CTNNA3: variants seen among roughly 807,000 people sequenced by gnomAD.
CTNNA3 encodes the protein catenin alpha-3.
In CTNNA3, 76 loss-of-function variants were observed where a neutral mutation model predicts 95.7. The observed-to-expected ratio is 0.79, with a 90% CI of 0.66 to 0.96. The LOEUF (loss-of-function observed/expected upper bound fraction) is 0.96, where lower values mean the gene tolerates loss of function less well. Among genes scored for constraint, CTNNA3 ranks in the 40% least tolerant of loss-of-function variants. The pLI is 0.00. For missense variants in CTNNA3, 1,191 were observed against 1,089.8 expected (o/e 1.09, Z -1.31); for synonymous variants, 431 against 374.4 (o/e 1.15, Z -1.74).
intron 7 of CTNNA3, among the ~76,000 whole-genome samples, chr10:67,083,004 A>G (rs1857126327): frequency 6.6e-6 from 1 of 152,192 alleles, no homozygotes; most frequent in South Asian, 2.1e-4. Context: ...CATGAGTTCT[A>G]CCAGAAGCCA....
rs116307415 is a variant in CTNNA3, at chr10:66,367,191, C to T, written c.1732+11961G>A. On this transcript the variant is annotated intron_variant, in intron 12 of 17. Transcript: ENST00000433211. ...ATGCTATGTAACTGGTTAGCCCATG[C>T]GTAAGCCATCAATCTACACACCCCT... Among the ~76,000 whole-genome samples the T allele has an allele frequency of 8.7e-3, 1,308 of 151,114 alleles. 22 individuals are homozygous for T. The highest frequency in any genetic ancestry group is 0.031 in the African/African-American group (1,254 of 41,076).
chr10:67,566,058 T>TATATATATA (rs1554854508), intron 3 of CTNNA3, among the ~76,000 whole-genome samples: 1 of 85,614 alleles, frequency 1.2e-5, no homozygotes, highest in African/African-American at 4.3e-5. Context: ...TATATATATA[T>TATATATATA]ATATATATAT....
chr10:65,962,002 C>T (rs1156558843), intron 17 of CTNNA3, among the ~76,000 whole-genome samples: 1 of 152,026 alleles, frequency 6.6e-6, no homozygotes, highest in African/African-American at 2.4e-5. Flanking sequence ...AGTTCTAGAC[C>T]GCCCATTCGC....
chr10:66,012,458 A>G (rs143820714), intron 15 of CTNNA3, among the ~76,000 whole-genome samples: 7 of 152,358 alleles, frequency 4.6e-5, no homozygotes, highest in African/African-American at 1.4e-4. Flanking sequence ...TCTGACCCAC[A>G]GAGATTTCCC....
At chr10:67,470,273 A>G (rs1259927817) in intron 5 of CTNNA3, among the ~76,000 whole-genome samples, 1 of 152,208 alleles carries the variant, frequency 6.6e-6, no homozygotes, top group Non-Finnish European at 1.5e-5. Context: ...TGCAAATGAC[A>G]GGATCTCATT....
At chr10:66,543,679 C>A (rs1841937877) in intron 10 of CTNNA3, among the ~76,000 whole-genome samples, 1 of 151,228 alleles carries the variant, frequency 6.6e-6, no homozygotes, top group African/African-American at 2.4e-5. Context: ...AAATGAAGCT[C>A]TCTTAGAGCT....
chr10:66,973,925 T>C (rs1849875329), intron 7 of CTNNA3, among the ~76,000 whole-genome samples: 1 of 152,182 alleles, frequency 6.6e-6, no homozygotes, highest in African/African-American at 2.4e-5. Flanking sequence ...TCCAGCCTTA[T>C]TTATTTTTAA....
chr10:66,406,006 C>A (rs2093054239), intron 11 of CTNNA3, among the ~76,000 whole-genome samples: 1 of 152,064 alleles, frequency 6.6e-6, no homozygotes, highest in South Asian at 2.1e-4. Context: ...TTTCACTCCA[C>A]AGTGGAAAGA....
At chr10:66,325,294 A>G (rs1224029803) in intron 12 of CTNNA3, among the ~76,000 whole-genome samples, 1 of 152,068 alleles carries the variant, frequency 6.6e-6, no homozygotes, top group Non-Finnish European at 1.5e-5. Flanking sequence ...TGTGCTGGGT[A>G]CCTTCTATGT....
chr10:67,273,825 G>A (rs1265082892), intron 5 of CTNNA3, among the ~76,000 whole-genome samples: 3 of 152,174 alleles, frequency 2.0e-5, no homozygotes, highest in Non-Finnish European at 4.4e-5. Context: ...AGAATGCACT[G>A]TGTGATTCCA....
At chr10:66,459,860 A>G (rs1474181837) in intron 11 of CTNNA3, among the ~76,000 whole-genome samples, 2 of 152,230 alleles carry the variant, frequency 1.3e-5, no homozygotes, top group African/African-American at 2.4e-5. Context: ...CTTAAACACT[A>G]TCATGTAATG....
chr10:66,324,032 C>T (rs2132296695), intron 12 of CTNNA3, among the ~76,000 whole-genome samples: 1 of 152,016 alleles, frequency 6.6e-6, no homozygotes, highest in Middle Eastern at 3.4e-3. Flanking sequence ...TGAGGGCCAC[C>T]TCCACCACTC....
At chr10:66,905,817 G>T (rs1014358883) in intron 7 of CTNNA3, among the ~76,000 whole-genome samples, 32 of 152,142 alleles carry the variant, frequency 2.1e-4, no homozygotes, top group African/African-American at 7.7e-4. Context: ...AATGGTGGTT[G>T]CCAGGCATTG....
intron 7 of CTNNA3, among the ~76,000 whole-genome samples, chr10:66,859,370 C>T (rs1843813226): frequency 6.6e-6 from 1 of 151,646 alleles, no homozygotes; most frequent in East Asian, 1.9e-4. Flanking sequence ...TGAACAGACA[C>T]TTCTCAAAAG....
At chr10:67,734,609 G>C (rs1265098777) in intron 1 of CTNNA3, among the ~76,000 whole-genome samples, 9 of 152,098 alleles carry the variant, frequency 5.9e-5, no homozygotes, top group Non-Finnish European at 4.4e-5. Flanking sequence ...TAAAAGTGTA[G>C]ACATAAGGAA....
chr10:66,783,863 TAA>T (rs2132854403), intron 7 of CTNNA3, among the ~76,000 whole-genome samples: 1 of 152,280 alleles, frequency 6.6e-6, no homozygotes, highest in South Asian at 2.1e-4. Context: ...TCCAGTTTCT[TAA>T]GTCTAATTCC....
intron 5 of CTNNA3, among the ~76,000 whole-genome samples, chr10:67,355,837 T>A (rs1482007661): frequency 6.6e-6 from 1 of 152,004 alleles, no homozygotes; most frequent in Non-Finnish European, 1.5e-5. Flanking sequence ...CTGTATTAGG[T>A]CAGTAGTACA....
chr10:66,725,187 C>T (rs1237036314), intron 9 of CTNNA3, among the ~76,000 whole-genome samples: 3 of 152,032 alleles, frequency 2.0e-5, no homozygotes, highest in Middle Eastern at 3.2e-3. Flanking sequence ...TACTATAGAC[C>T]TAACCACATT....
At chr10:66,256,282 A>C (rs894447639) in intron 13 of CTNNA3, among the ~76,000 whole-genome samples, 2 of 152,188 alleles carry the variant, frequency 1.3e-5, no homozygotes, top group Admixed American at 1.3e-4. Context: ...AGGCCAATCC[A>C]TTCTGGCTGT....
Sources: allele counts gnomAD v4.1 joint callset (sites outside exome capture counted in the v4.1 genomes callset), GRCh38; gene constraint gnomAD v4.1.1; transcripts MANE v1.5; gene names NCBI Gene and HGNC (gene_info 2026-07-23, HGNC 2026-07-21).